TSBP1: variants seen among roughly 807,000 people sequenced by gnomAD.
The protein encoded by TSBP1 is testis-expressed basic protein 1.
Under a neutral mutation model 68.8 loss-of-function variants are expected in TSBP1, and 56 were observed. That is an observed-to-expected ratio of 0.81 (90% CI 0.66 to 1.02). TSBP1 has a LOEUF of 1.02. Ranked by LOEUF, TSBP1 falls within the 50% of genes least tolerant of loss-of-function variation. TSBP1 has a pLI of 0.00. For missense variants in TSBP1, 502 were observed against 641.2 expected (o/e 0.78, Z 2.34); for synonymous variants, 171 against 208.7 (o/e 0.82, Z 1.56).
intron 19 of TSBP1, among the ~76,000 whole-genome samples, chr6:32,312,409 G>A (rs979877923): frequency 6.6e-6 from 1 of 152,140 alleles, no homozygotes; most frequent in Non-Finnish European, 1.5e-5. Flanking sequence ...TGCCTGAGAC[G>A]GGCCATTAGG....
At chr6:32,326,488 C>T (rs145180414) in intron 16 of TSBP1, among the ~76,000 whole-genome samples, 2 of 151,958 alleles carry the variant, frequency 1.3e-5, no homozygotes, top group African/African-American at 4.8e-5. Context: ...CTGATCGTGA[C>T]ACTGAAAAAA....
intron 16 of TSBP1, among the ~76,000 whole-genome samples, chr6:32,328,386 T>G (rs1768523080): frequency 6.6e-6 from 1 of 151,736 alleles, no homozygotes. Context: ...TAGCTGAGAT[T>G]ACAGGCGTGC....
intron 15 of TSBP1, among the ~76,000 whole-genome samples, chr6:32,330,977 A>T (rs1445336511): frequency 1.3e-5 from 2 of 151,300 alleles, no homozygotes; most frequent in African/African-American, 4.9e-5. Flanking sequence ...AAACACCTCT[A>T]TTAGTGATAT....
chr6:32,309,695 C>T (rs1285714502), intron 19 of TSBP1, among the ~76,000 whole-genome samples: 1 of 152,160 alleles, frequency 6.6e-6, no homozygotes, highest in East Asian at 1.9e-4. Flanking sequence ...GTAGTAATCA[C>T]ATCAGGGTTA....
At chr6:32,368,340 T>C (rs1034189976) in intron 3 of TSBP1, among the ~76,000 whole-genome samples, 1 of 152,208 alleles carries the variant, frequency 6.6e-6, no homozygotes, top group Non-Finnish European at 1.5e-5. Flanking sequence ...ATCCTGAAGT[T>C]GGTACTCTTG....
rs1281418938 is a variant in TSBP1, at chr6:32,340,674, AAG to A, written c.350-1038_350-1037del. On this transcript the variant is annotated intron_variant, in intron 9 of 22. Coordinates refer to ENST00000612031, the Ensembl canonical transcript of TSBP1. This position sits in a 1 kb window ranked among gnomAD's most constrained non-coding sequence, Gnocchi z 4.8. ...TAGGATACATGTGAGCTGAGCAGGA[AAG>A]AGAATCATGATAAATTACTGATTTC... Among the ~76,000 whole-genome samples, 9 of 152,234 alleles carry A rather than the reference AAG, an allele frequency of 5.9e-5. No individual in the cohort carries two copies. The highest frequency in any genetic ancestry group is 1.0e-4 in the Non-Finnish European group (7 of 68,042).
intron 3 of TSBP1, 141 bp downstream of exon 3, chr6:32,368,641 A>C: frequency 2.4e-6 from 2 of 831,416 alleles, no homozygotes; most frequent in Non-Finnish European, 3.6e-6. Context: ...TCTCCCACTC[A>C]CTTAGAAGCA....
chr6:32,324,304 T>G, intron 16 of TSBP1: 1 of 353,656 alleles, frequency 2.8e-6, no homozygotes. Flanking sequence ...TGAAAAAGGG[T>G]TACAGAAACT....
chr6:32,327,778 A>C (rs1317960814), intron 16 of TSBP1, among the ~76,000 whole-genome samples: 1 of 144,368 alleles, frequency 6.9e-6, no homozygotes, highest in Non-Finnish European at 1.5e-5. Flanking sequence ...CCTGCCACGA[A>C]GTCTGGCTCA....
intron 22 of TSBP1, among the ~76,000 whole-genome samples, chr6:32,295,345 CACACAAAAAAA>C (rs1484227666): frequency 1.5e-5 from 1 of 64,774 alleles, no homozygotes; most frequent in Non-Finnish European, 3.0e-5. Flanking sequence ...CACACACACA[CACACAAAAAAA>C]AAAAAAAAAA....
chr6:32,323,837 C>T lies in TSBP1; in HGVS notation c.515-223G>A, dbSNP rs759152156. 5.8e-4 allele frequency: 328 copies of T among 566,888 alleles called. 1 individual carries two copies. Among genetic ancestry groups the T allele is most frequent in the Non-Finnish European group, 9.2e-4 (290 of 316,880 alleles). 35.1% of individuals were successfully genotyped at this position (566,888 alleles called of 1,614,324 possible). The stretch of plus-strand genomic sequence containing the variant: ...GAAAGTAAGTGGTTAAAGTAGTATG[C>T]ACCCCAAGCCTGGAAATCTTAGCTG... On this transcript the variant is annotated intron_variant, in intron 16 of 22. Transcript: ENST00000612031.
rs188309731 is a variant in TSBP1 at position 32,335,468 on chromosome 6, A to C, written c.452-11T>G. On this transcript the variant is annotated splice_polypyrimidine_tract_variant and intron_variant, in intron 13 of 22. Coordinates refer to ENST00000612031, the Ensembl canonical transcript of TSBP1. The surrounding 1 kb of genome is among the most constrained non-coding windows in gnomAD (Gnocchi z 5.5). ...TTTTTTGAGAGAGCTCTAAAAAAAA[A>C]AGAGAAAAGAAATCAGTAGCTATAT... The C allele has an allele frequency of 1.4e-6, 2 of 1,470,800 alleles. No homozygotes were observed. Among genetic ancestry groups the C allele is most frequent in the African/African-American group, 2.9e-5 (2 of 67,982 alleles). The allele number at this position is 1,470,800 out of a possible 1,614,324, so 91.1% of individuals were successfully genotyped here. A position where few individuals can be genotyped will look rare whatever the true frequency, so the allele number is the denominator to read the frequency against.
chr6:32,306,505 C>T lies in TSBP1; in HGVS notation c.581-3876G>A, dbSNP rs1258885212. Among the ~76,000 whole-genome samples the T allele has an allele frequency of 1.3e-5, 2 of 152,174 alleles. No homozygotes were observed. Among genetic ancestry groups the T allele is most frequent in the Non-Finnish European group, 2.9e-5 (2 of 68,028 alleles). ...CAATATAATCTGCTTTTCATCCCAC[C>T]AACCCTTGTCTCTCATGTCTGGCTT... On this transcript the variant is annotated intron_variant, in intron 19 of 22. Coordinates refer to ENST00000612031, the Ensembl canonical transcript of TSBP1. This position sits in a 1 kb window ranked among gnomAD's most constrained non-coding sequence, Gnocchi z 5.1.
rs145155115 is a variant in TSBP1 at position 32,338,977 on chromosome 6, A to C, written c.409+2T>G. 20 of 1,610,696 alleles carry C rather than the reference A, an allele frequency of 1.2e-5. No homozygotes were observed. In the African/African-American group the frequency reaches 2.5e-4, roughly 20 times the overall value. On this transcript the variant is annotated splice_donor_variant, in intron 11 of 22. Coordinates refer to ENST00000612031, the Ensembl canonical transcript of TSBP1. LOFTEE classifies it high-confidence loss of function. The surrounding 1 kb of genome is among the most constrained non-coding windows in gnomAD (Gnocchi z 5.5). ...GAATTAAAGGGCAGAAAAAGAACTT[A>C]CTCATGGCTCCTGCAGTTCTGGCTA...
chr6:32,328,902 AT>A (rs1426181473), intron 16 of TSBP1, among the ~76,000 whole-genome samples: 9 of 152,128 alleles, frequency 5.9e-5, no homozygotes, highest in African/African-American at 1.9e-4. Context: ...TAATTAATTA[AT>A]TATATTTAAG....
At position 32,306,955 on chromosome 6, in the gene TSBP1, T is replaced by C. The variant is rs1051910817; in HGVS notation, c.581-4326A>G. 6.6e-6 allele frequency among the ~76,000 whole-genome samples: 1 copy of C among 152,224 alleles called. No homozygotes were observed. The highest frequency in any genetic ancestry group is 2.4e-5 in the African/African-American group (1 of 41,464). On this transcript the variant is annotated intron_variant, in intron 19 of 22. Transcript: ENST00000612031. The surrounding 1 kb of genome is among the most constrained non-coding windows in gnomAD (Gnocchi z 5.1). Reference sequence around the variant, plus strand: ...GATTTTGAGGAAATTTTGCTTTCTCTCCACATTTCTATTTTGTTCCTTGTA... The same window carrying C: ...GATTTTGAGGAAATTTTGCTTTCTCCCCACATTTCTATTTTGTTCCTTGTA...
At chr6:32,326,256 T>C in intron 16 of TSBP1, 1 of 898,666 alleles carries the variant, frequency 1.1e-6, no homozygotes. Context: ...ATTTGTGAAC[T>C]CAGCCAAGCA....
chr6:32,356,050 G>A (rs1417138019), intron 6 of TSBP1, among the ~76,000 whole-genome samples: 1 of 152,170 alleles, frequency 6.6e-6, no homozygotes. Flanking sequence ...TATTGATTGC[G>A]ATTGAATGTG....
In TSBP1 at chr6:32,366,259, A is replaced by G; in HGVS notation, c.196+14T>C. On this transcript the variant is annotated intron_variant, in intron 5 of 22. Transcript: ENST00000612031. ...AGACTCCTATATTAATTTCTTAGCAATACAATAATTTACCACTTTGTGTTG... is the reference window on the plus strand; with the variant it reads ...AGACTCCTATATTAATTTCTTAGCAGTACAATAATTTACCACTTTGTGTTG... 3.1e-6 allele frequency: 5 copies of G among 1,595,624 alleles called. No individual in the cohort carries two copies. Among genetic ancestry groups the G allele is most frequent in the Non-Finnish European group, 4.3e-6 (5 of 1,173,540 alleles).
Sources: allele counts gnomAD v4.1 joint callset (sites outside exome capture counted in the v4.1 genomes callset), GRCh38; gene constraint gnomAD v4.1.1; non-coding constraint Gnocchi (gnomAD v3.1); transcripts MANE v1.5; gene names NCBI Gene and HGNC (gene_info 2026-07-23, HGNC 2026-07-21).